The following OR52N2 variants were observed in gnomAD, a reference collection of about 807,000 sequenced individuals.
OR52N2 encodes olfactory receptor family 52 subfamily N member 2, also known as olfactory receptor 52N2.
For missense variants in OR52N2, 326 were observed against 196.6 expected, an observed-to-expected ratio of 1.66 and a Z score of -3.94; for synonymous variants, 129 against 72.0, an observed-to-expected ratio of 1.79 and a Z score of -4.01.
intron 1 of OR52N2, among the ~76,000 whole-genome samples, chr11:5,813,430 T>C (rs1420871721): frequency 2.0e-5 from 3 of 152,032 alleles, no homozygotes; most frequent in East Asian, 1.9e-4. Flanking sequence ...TAAGGAAACA[T>C]TGGACCTGAA....
At chr11:5,817,456 T>G (rs1464425268) in intron 1 of OR52N2, among the ~76,000 whole-genome samples, 2 of 152,098 alleles carry the variant, frequency 1.3e-5, no homozygotes, top group African/African-American at 4.8e-5. Flanking sequence ...CACTAACACC[T>G]CCAATGAAGA....
intron 1 of OR52N2, among the ~76,000 whole-genome samples, chr11:5,809,431 G>A (rs995621655): frequency 1.3e-5 from 2 of 152,102 alleles, no homozygotes; most frequent in African/African-American, 2.4e-5. Context: ...GGGGTACAGT[G>A]GTGAGGCATG....
intron 1 of OR52N2, among the ~76,000 whole-genome samples, chr11:5,817,909 TTGGA>T (rs1846416229): frequency 6.6e-6 from 1 of 152,148 alleles, no homozygotes; most frequent in Non-Finnish European, 1.5e-5. Flanking sequence ...GGTACAGCTA[TTGGA>T]TGGAAAGAAG....
rs78890239 is a variant in OR52N2 at position 5,810,476 on chromosome 11, A to G, written c.-55+1422A>G. Among the ~76,000 whole-genome samples the G allele has an allele frequency of 6.1e-3, 924 of 152,042 alleles. 6 individuals are homozygous for G. Among genetic ancestry groups the G allele is most frequent in the African/African-American group, 0.02 (845 of 41,458 alleles). On this transcript the variant is annotated intron_variant, in intron 1 of 1. Coordinates refer to ENST00000317037, the MANE Select transcript of OR52N2 (RefSeq NM_001005174.3). ...TGATGGAAAGATAAATAAATAAGGT[A>G]GGGGAAAAGTCAAATGAAGCAAAAA...
At chr11:5,816,372 G>C (rs773653755) in intron 1 of OR52N2, among the ~76,000 whole-genome samples, 3 of 152,198 alleles carry the variant, frequency 2.0e-5, no homozygotes, top group South Asian at 4.2e-4. Flanking sequence ...AATGAATCGG[G>C]CATGTCAATA....
In OR52N2 at chr11:5,821,132, T is replaced by G; in HGVS notation, c.797T>G (p.Phe266Cys). Residue 266 changes from phenylalanine (F) to cysteine (C), a missense_variant, in exon 2 of 2, where the codon TTT (phenylalanine) becomes TGT (cysteine). Coordinates refer to ENST00000317037, the MANE Select transcript of OR52N2 (RefSeq NM_001005174.3). ...AAFFTFFTHR[F>C]VGHNIPNHIH... is the part of the protein sequence containing the mutation. ...TTTTTCACTTTTTTCACTCATCGTTTTGTAGGACACAATATCCCAAACCAC... is the reference window on the plus strand; with the variant it reads ...TTTTTCACTTTTTTCACTCATCGTTGTGTAGGACACAATATCCCAAACCAC... 1.3e-6 allele frequency: 1 copy of G among 781,068 alleles called. No individual in the cohort carries two copies. The highest frequency in any genetic ancestry group is 2.4e-6 in the Non-Finnish European group (1 of 418,124). 48.4% of individuals were successfully genotyped at this position (781,068 alleles called of 1,614,324 possible).
At chr11:5,810,491 T>C (rs113778376) in intron 1 of OR52N2, among the ~76,000 whole-genome samples, 1 of 144,158 alleles carries the variant, frequency 6.9e-6, no homozygotes, top group South Asian at 2.3e-4. Context: ...AAAAGTCAAA[T>C]GAAGCAAAAA....
In OR52N2 at chr11:5,820,333, A is replaced by T. The variant is rs1487625979; in HGVS notation, c.-3A>T. On this transcript the variant is annotated 5_prime_UTR_variant, in exon 2 of 2. Coordinates refer to ENST00000317037, the MANE Select transcript of OR52N2 (RefSeq NM_001005174.3). ...ATAAAATGCTCTCCTCCTGTCAGCC[A>T]TCATGTCTGGGGACAACAGCTCCAG... 2 of 780,428 alleles carry T rather than the reference A, an allele frequency of 2.6e-6. No homozygotes were observed. Among genetic ancestry groups the T allele is most frequent in the Admixed American group, 1.7e-5 (1 of 58,964 alleles). 48.3% of individuals were successfully genotyped at this position (780,428 alleles called of 1,614,324 possible).
intron 1 of OR52N2, among the ~76,000 whole-genome samples, chr11:5,811,356 A>G (rs1005319485): frequency 2.0e-5 from 3 of 152,124 alleles, no homozygotes; most frequent in Non-Finnish European, 2.9e-5. Flanking sequence ...AAATTAATTT[A>G]AAAAATAGAC....
chr11:5,811,050 T>G (rs1326621858), intron 1 of OR52N2, among the ~76,000 whole-genome samples: 1 of 151,018 alleles, frequency 6.6e-6, no homozygotes, highest in Admixed American at 6.6e-5. Context: ...CAAAATATAT[T>G]AAAATATTTA....
In OR52N2 at chr11:5,821,209, C is replaced by G; in HGVS notation, c.874C>G (p.Pro292Ala). Residue 292 changes from proline (P) to alanine (A), a missense_variant, in exon 2 of 2, where the codon CCA becomes GCA. Coordinates refer to ENST00000317037, the MANE Select transcript of OR52N2 (RefSeq NM_001005174.3). Reference protein sequence around the residue: ...LYLLLPPTMNPIVYGVKTKQI... With the variant: ...LYLLLPPTMNAIVYGVKTKQI... Reference sequence around the variant, plus strand: ...TCTGCTACTGCCTCCTACCATGAACCCAATTGTTTATGGAGTCAAGACCAA... The same window carrying G: ...TCTGCTACTGCCTCCTACCATGAACGCAATTGTTTATGGAGTCAAGACCAA... 2.6e-6 allele frequency: 2 copies of G among 780,882 alleles called. No homozygotes were observed. The highest frequency in any genetic ancestry group is 4.8e-6 in the Non-Finnish European group (2 of 418,082). 48.4% of individuals were successfully genotyped at this position (780,882 alleles called of 1,614,324 possible).
At chr11:5,818,055 C>T (rs150709564) in intron 1 of OR52N2, among the ~76,000 whole-genome samples, 7 of 152,014 alleles carry the variant, frequency 4.6e-5, no homozygotes, top group African/African-American at 1.4e-4. Flanking sequence ...TTTGAAATAT[C>T]GGAATATTAT....
At position 5,821,226 on chromosome 11, in the gene OR52N2, C is replaced by T. The variant is rs1382946246; in HGVS notation, c.891C>T (p.Val297=). The T allele has an allele frequency of 2.6e-6, 2 of 780,786 alleles. No individual in the cohort carries two copies. Among genetic ancestry groups the T allele is most frequent in the African/African-American group, 1.7e-5 (1 of 59,088 alleles). The allele number at this position is 780,786 out of a possible 1,614,324, so 48.4% of individuals were successfully genotyped here. ...PPTMNPIVYG[V]KTKQIQEGVI... is the part of the protein sequence containing the mutation. ...CCATGAACCCAATTGTTTATGGAGT[C>T]AAGACCAAGCAGATTCAGGAAGGTG... The change falls in exon 2 of 2, where the codon GTC becomes GTT. Residue 297 remains valine (V), a synonymous_variant. Transcript: ENST00000317037.
At chr11:5,813,821 C>T (rs569544105) in intron 1 of OR52N2, among the ~76,000 whole-genome samples, 1 of 152,224 alleles carries the variant, frequency 6.6e-6, no homozygotes. Context: ...GATCATTCAC[C>T]ATGATCACTT....
chr11:5,820,839 G>A lies in OR52N2; in HGVS notation c.504G>A (p.Leu168=), dbSNP rs773167260. 5.1e-6 allele frequency: 4 copies of A among 780,504 alleles called. No homozygotes were observed. Among genetic ancestry groups the A allele is most frequent in the Non-Finnish European group, 9.6e-6 (4 of 417,998 alleles). 48.3% of individuals were successfully genotyped at this position (780,504 alleles called of 1,614,324 possible). Residue 168 remains leucine, a synonymous_variant, in exon 2 of 2, where the codon CTG becomes CTA. Coordinates refer to ENST00000317037, the MANE Select transcript of OR52N2 (RefSeq NM_001005174.3). ...CATTCACTCTCCTCACCAAGCGCCT[G>A]CCCTATTGCCGGGGGAACTTCATCC... ...IIPFTLLTKR[L]PYCRGNFIPH... is the part of the protein sequence containing the mutation.
In OR52N2 at chr11:5,820,510, C is replaced by T. The variant is rs771261594; in HGVS notation, c.175C>T (p.Arg59Trp). The T allele has an allele frequency of 1.9e-5, 15 of 778,190 alleles. No individual in the cohort carries two copies. The highest frequency in any genetic ancestry group is 2.4e-5 in the East Asian group (1 of 41,230). The allele number at this position is 778,190 out of a possible 1,614,324, so 48.2% of individuals were successfully genotyped here. Residue 59 changes from arginine (R) to tryptophan (W), a missense_variant, in exon 2 of 2, where the codon CGG (arginine) becomes TGG (tryptophan). Physicochemically the swap from Arg to Trp is moderately radical, Grantham distance 101. Coordinates refer to ENST00000317037, the MANE Select transcript of OR52N2 (RefSeq NM_001005174.3). ...CLISHEEALH[R>W]PMYYFLALLS... is the part of the protein sequence containing the mutation. ...CATCAGCCATGAGGAGGCCCTGCACCGGCCCATGTACTACTTCCTGGCCCT... is the reference window on the plus strand; with the variant it reads ...CATCAGCCATGAGGAGGCCCTGCACTGGCCCATGTACTACTTCCTGGCCCT...
intron 1 of OR52N2, among the ~76,000 whole-genome samples, chr11:5,812,833 T>C (rs553309164): frequency 7.9e-5 from 12 of 152,118 alleles, no homozygotes; most frequent in African/African-American, 2.9e-4. Flanking sequence ...AAAATTTAAA[T>C]TTTAAATAAA....
Position 5,821,339 on chromosome 11 carries a change from A to G in OR52N2, c.*38A>G. On this transcript the variant is annotated 3_prime_UTR_variant, in exon 2 of 2. Coordinates refer to ENST00000317037, the MANE Select transcript of OR52N2 (RefSeq NM_001005174.3). ...ACATATTGTTTCAGGTGGTGAGAAAATAATGGAGACAAAATTTCATAAAAG... is the reference window on the plus strand; with the variant it reads ...ACATATTGTTTCAGGTGGTGAGAAAGTAATGGAGACAAAATTTCATAAAAG... The G allele has an allele frequency of 1.4e-6, 1 of 706,188 alleles. No individual in the cohort carries two copies. The highest frequency in any genetic ancestry group is 1.6e-5 in the South Asian group (1 of 63,208). The allele number at this position is 706,188 out of a possible 1,614,324, so 43.7% of individuals were successfully genotyped here. A position where few individuals can be genotyped will look rare whatever the true frequency, so the allele number is the denominator to read the frequency against.
At chr11:5,812,677 T>C (rs1846373518) in intron 1 of OR52N2, among the ~76,000 whole-genome samples, 1 of 151,870 alleles carries the variant, frequency 6.6e-6, no homozygotes, top group Admixed American at 6.6e-5. Context: ...AGAGATAGAC[T>C]GCAATAAAAT....
Sources: gnomAD v4.1 joint callset for allele counts (sites outside exome capture counted in the v4.1 genomes callset) on GRCh38, gnomAD v4.1.1 for gene constraint, MANE v1.5 for transcripts, NCBI Gene and HGNC (gene_info 2026-07-23, HGNC 2026-07-21) for gene names.